The following WLS variants were observed in gnomAD, a reference collection of about 807,000 sequenced individuals.
The protein encoded by WLS is protein wntless homolog.
Under a neutral mutation model 62.8 loss-of-function variants are expected in WLS, and 23 were observed. The ratio of observed to expected loss-of-function variants is 0.37; its 90% confidence interval spans 0.26 to 0.52. The LOEUF (loss-of-function observed/expected upper bound fraction) is 0.52, where lower values mean the gene tolerates loss of function less well. Ranked by LOEUF, WLS falls within the 20% of genes least tolerant of loss-of-function variation. The pLI is 0.92. For synonymous variants in WLS, 246 were observed against 244.1 expected, an observed-to-expected ratio of 1.01 and a Z score of -0.07; for missense variants, 615 against 697.3, an observed-to-expected ratio of 0.88 and a Z score of 1.33.
intron 2 of WLS, among the ~76,000 whole-genome samples, chr1:68,177,035 C>T (rs562243351): frequency 6.6e-6 from 1 of 152,340 alleles, no homozygotes; most frequent in East Asian, 1.9e-4. Context: ...TACACCTCTG[C>T]TCCCATCTTA....
chr1:68,206,970 T>C (rs1158728997), intron 1 of WLS, among the ~76,000 whole-genome samples: 1 of 152,176 alleles, frequency 6.6e-6, no homozygotes, highest in Non-Finnish European at 1.5e-5. Context: ...TCACATCTGT[T>C]AGAAGAACAG....
intron 1 of WLS, among the ~76,000 whole-genome samples, chr1:68,212,072 C>T (rs1301412934): frequency 1.3e-5 from 2 of 152,198 alleles, no homozygotes; most frequent in Non-Finnish European, 2.9e-5. Context: ...AAAGAGCTTT[C>T]CTTCCCCCTT....
At chr1:68,162,838 A>G (rs76813845) in intron 2 of WLS, 78,438 of 1,328,456 alleles carry the variant, frequency 0.059, 2,824 homozygotes, top group Middle Eastern at 0.08. Context: ...GGTGAGGATG[A>G]TGGTGTGGTA....
chr1:68,123,577 G>A (rs1408228171), downstream of WLS, among the ~76,000 whole-genome samples: 1 of 151,838 alleles, frequency 6.6e-6, no homozygotes, highest in Non-Finnish European at 1.5e-5. Context: ...CCTAGCCCAG[G>A]CAAACCCAAA....
At chr1:68,218,331 C>T (rs974990724) in intron 1 of WLS, among the ~76,000 whole-genome samples, 1 of 151,834 alleles carries the variant, frequency 6.6e-6, no homozygotes, top group East Asian at 1.9e-4. Context: ...ACAAAAATAC[C>T]TACTTCCAGT....
intron 2 of WLS, 125 bp downstream of exon 2, chr1:68,193,830 G>A: frequency 7.9e-7 from 1 of 1,272,216 alleles, no homozygotes; most frequent in Non-Finnish European, 1.1e-6. Flanking sequence ...AAGTGCCTGG[G>A]AAGTAGTCAA....
chr1:68,168,059 G>T (rs1365743525), intron 2 of WLS, among the ~76,000 whole-genome samples: 3 of 152,164 alleles, frequency 2.0e-5, no homozygotes, highest in Non-Finnish European at 4.4e-5. Context: ...CTGCAGGCAA[G>T]TGGAAAGTCA....
intron 1 of WLS, chr1:68,202,272 T>C (rs1419004115): frequency 6.6e-6 from 1 of 152,164 alleles, no homozygotes; most frequent in Non-Finnish European, 1.5e-5. Flanking sequence ...TACCCTCTTT[T>C]TGAAAAAATA....
intron 11 of WLS, among the ~76,000 whole-genome samples, chr1:68,115,648 G>A (rs1169573231): frequency 6.6e-6 from 1 of 152,168 alleles, no homozygotes; most frequent in Non-Finnish European, 1.5e-5. Flanking sequence ...GTAAAGAGCC[G>A]CTATTACTCT....
At chr1:68,211,106 A>G (rs1306091086) in intron 1 of WLS, among the ~76,000 whole-genome samples, 1 of 152,224 alleles carries the variant, frequency 6.6e-6, no homozygotes, top group African/African-American at 2.4e-5. Flanking sequence ...TTTTCTAAAC[A>G]CTGTCTTTTG....
exon 12 of WLS, chr1:68,098,691 C>T (rs550180906): frequency 6.2e-7 from 1 of 1,613,910 alleles, no homozygotes; most frequent in East Asian, 2.2e-5. Flanking sequence ...CTGAACAATT[C>T]TTGATAAAGT....
chr1:68,146,832 C>T (rs1425420890), intron 8 of WLS, among the ~76,000 whole-genome samples: 4 of 152,124 alleles, frequency 2.6e-5, no homozygotes, highest in African/African-American at 9.7e-5. Flanking sequence ...GCGTGAGCTG[C>T]CTTGGAAGGC....
At chr1:68,179,151 G>A (rs190983734) in intron 2 of WLS, among the ~76,000 whole-genome samples, 4 of 152,320 alleles carry the variant, frequency 2.6e-5, no homozygotes, top group Admixed American at 1.3e-4. Flanking sequence ...AAGAGCATCT[G>A]TCTTGACTGA....
intron 2 of WLS, among the ~76,000 whole-genome samples, chr1:68,177,590 C>T (rs1400497912): frequency 3.3e-5 from 5 of 152,046 alleles, no homozygotes; most frequent in Non-Finnish European, 7.4e-5. Context: ...ACCTTCTGGG[C>T]CCAAGCAGTC....
At chr1:68,101,010 A>G (rs1163648589) in intron 11 of WLS, among the ~76,000 whole-genome samples, 1 of 152,104 alleles carries the variant, frequency 6.6e-6, no homozygotes, top group African/African-American at 2.4e-5. Flanking sequence ...ACGTGGCCAA[A>G]CCGTTCAGCA....
chr1:68,200,828 C>A (rs1356655919), intron 1 of WLS, among the ~76,000 whole-genome samples: 1 of 152,226 alleles, frequency 6.6e-6, no homozygotes, highest in Non-Finnish European at 1.5e-5. Context: ...CTCTGCTTGC[C>A]TTATGAGAAC....
chr1:68,138,147 G>T, intron 10 of WLS: 1 of 580,502 alleles, frequency 1.7e-6, no homozygotes, highest in Non-Finnish European at 3.0e-6. Context: ...CACAGTCAGT[G>T]GTCCTTACCT....
intron 11 of WLS, 126 bp from the exon 12 acceptor site, chr1:68,126,461 G>A: frequency 1.1e-5 from 14 of 1,248,976 alleles, no homozygotes; most frequent in Non-Finnish European, 1.6e-5. Context: ...AGACACCTAG[G>A]GCACACAACA....
intron 1 of WLS, among the ~76,000 whole-genome samples, chr1:68,224,940 T>TA (rs1319893141): frequency 3.3e-5 from 5 of 152,228 alleles, no homozygotes; most frequent in Non-Finnish European, 5.9e-5. Flanking sequence ...GCTTGAGTCT[T>TA]AGCCCTCTCA....
Sources: gnomAD v4.1 joint callset for allele counts (sites outside exome capture counted in the v4.1 genomes callset) on GRCh38, gnomAD v4.1.1 for gene constraint, MANE v1.5 for transcripts, NCBI Gene and HGNC (gene_info 2026-07-23, HGNC 2026-07-21) for gene names.